The following FTO variants were observed in gnomAD, a reference collection of about 807,000 sequenced individuals.
The protein encoded by FTO is alpha-ketoglutarate-dependent dioxygenase FTO.
FTO carries 47 observed loss-of-function variants against 63.9 expected under a neutral mutation model. That is an observed-to-expected ratio of 0.74 (90% CI 0.58 to 0.94). FTO has a LOEUF of 0.94. Ranked by LOEUF, FTO falls within the 40% of genes least tolerant of loss-of-function variation. FTO has a pLI of 0.00. For missense variants in FTO, 562 were observed against 618.1 expected (o/e 0.91, Z 0.96); for synonymous variants, 207 against 224.4 (o/e 0.92, Z 0.69).
intron 1 of FTO, among the ~76,000 whole-genome samples, chr16:53,735,536 G>C (rs2076373394): frequency 6.6e-6 from 1 of 152,174 alleles, no homozygotes; most frequent in Non-Finnish European, 1.5e-5. Context: ...AAAATGATGA[G>C]TTGATCACCC....
intron 1 of FTO, among the ~76,000 whole-genome samples, chr16:53,775,700 A>G (rs1163081719): frequency 6.6e-6 from 1 of 152,116 alleles, no homozygotes; most frequent in Non-Finnish European, 1.5e-5. Flanking sequence ...AATTTTAGCC[A>G]AAAGGTCTAA....
At chr16:53,834,358 G>C (rs752312856) in intron 3 of FTO, among the ~76,000 whole-genome samples, 1 of 152,114 alleles carries the variant, frequency 6.6e-6, no homozygotes, top group Non-Finnish European at 1.5e-5. Flanking sequence ...TGATGAGCAC[G>C]GGATCAGAGA....
intron 8 of FTO, among the ~76,000 whole-genome samples, chr16:53,941,483 C>G (rs2082527553): frequency 6.6e-6 from 1 of 152,178 alleles, no homozygotes; most frequent in Non-Finnish European, 1.5e-5. Context: ...TCTGTGTTTA[C>G]ATTTTTATCT....
chr16:54,060,219 G>A (rs887150516), intron 8 of FTO, among the ~76,000 whole-genome samples: 5 of 152,138 alleles, frequency 3.3e-5, no homozygotes, highest in Admixed American at 2.0e-4. Context: ...CTGCCCAATC[G>A]GTGGACTACA....
At chr16:53,840,804 GTC>G (rs1481013050) in intron 3 of FTO, among the ~76,000 whole-genome samples, 1 of 152,112 alleles carries the variant, frequency 6.6e-6, no homozygotes, top group Non-Finnish European at 1.5e-5. Flanking sequence ...TCACGTCCTT[GTC>G]TAAAATGGGC....
chr16:53,936,553 T>C (rs2082395003), intron 8 of FTO, among the ~76,000 whole-genome samples: 1 of 152,210 alleles, frequency 6.6e-6, no homozygotes, highest in African/African-American at 2.4e-5. Flanking sequence ...GTGAAAGTTA[T>C]AAAACATCCA....
Position 53,828,320 on chromosome 16 carries a change from C to T in FTO, c.751+1829C>T, listed in dbSNP as rs193248868. Among the ~76,000 whole-genome samples, 33 of 152,202 alleles carry T rather than the reference C, an allele frequency of 2.2e-4. No homozygotes were observed. In the East Asian group the frequency reaches 4.6e-3, roughly 21 times the overall value. ...CTGCAAGCTCCGCCTCCCAGGTTCA[C>T]GCCATTCTTCTGCCTCAGCCTCCCA... On this transcript the variant is annotated intron_variant, in intron 3 of 8. Transcript: ENST00000471389.
Position 54,113,712 on chromosome 16 carries a change from TATG to T in FTO, c.*1801_*1803del, listed in dbSNP as rs1195188682. ...CCAGCCCAGTGTTTTCTTTAGCCCC[TATG>T]ATGTTCATTTTTTGTTATATCCCAT... On this transcript the variant is annotated 3_prime_UTR_variant, in exon 9 of 9. Coordinates refer to ENST00000471389, the MANE Select transcript of FTO (RefSeq NM_001080432.3). 1.3e-5 allele frequency: 2 copies of T among 152,228 alleles called. No individual in the cohort carries two copies. The highest frequency in any genetic ancestry group is 3.8e-4 in the East Asian group (2 of 5,196). The allele number at this position is 152,228 out of a possible 1,614,324, so 9.4% of individuals were successfully genotyped here.
chr16:53,746,624 T>C (rs537088919), intron 1 of FTO, among the ~76,000 whole-genome samples: 1 of 152,290 alleles, frequency 6.6e-6, no homozygotes, highest in South Asian at 2.1e-4. Context: ...CAAAGTGATG[T>C]TATAATTTAT....
intron 7 of FTO, among the ~76,000 whole-genome samples, chr16:53,889,931 C>T (rs755612805): frequency 9.9e-5 from 15 of 151,990 alleles, no homozygotes; most frequent in Non-Finnish European, 7.4e-5. Context: ...TTATGACAAC[C>T]CACAACATAG....
intron 6 of FTO, chr16:53,887,746 A>G (rs2081037687): frequency 6.6e-6 from 1 of 152,212 alleles, no homozygotes; most frequent in Non-Finnish European, 1.5e-5. Flanking sequence ...ATTTCAGATA[A>G]GAGATATTCA....
chr16:53,919,853 G>A (rs1156862865), intron 7 of FTO, among the ~76,000 whole-genome samples: 1 of 152,096 alleles, frequency 6.6e-6, no homozygotes. Flanking sequence ...GGAAGGAGGT[G>A]AGGGATAAAA....
At chr16:53,869,378 T>C (rs994215168) in intron 4 of FTO, among the ~76,000 whole-genome samples, 1 of 152,114 alleles carries the variant, frequency 6.6e-6, no homozygotes, top group Non-Finnish European at 1.5e-5. Flanking sequence ...GTGTAGGTTT[T>C]TTTCCTGAGC....
At chr16:53,795,597 C>T (rs747454811) in intron 1 of FTO, among the ~76,000 whole-genome samples, 1 of 152,132 alleles carries the variant, frequency 6.6e-6, no homozygotes, top group Non-Finnish European at 1.5e-5. Context: ...GCATGAGCCT[C>T]TATACCTGGC....
chr16:53,979,502 A>G (rs187149125), intron 8 of FTO: 55 of 394,534 alleles, frequency 1.4e-4, no homozygotes, highest in African/African-American at 1.0e-3. Context: ...TTTCTTTATC[A>G]CTACTGTGAT....
At chr16:54,109,598 C>G (rs1304038890) in intron 8 of FTO, among the ~76,000 whole-genome samples, 3 of 152,160 alleles carry the variant, frequency 2.0e-5, no homozygotes, top group Non-Finnish European at 4.4e-5. Flanking sequence ...TACCAGGGTG[C>G]AAGGGATTAC....
intron 1 of FTO, among the ~76,000 whole-genome samples, chr16:53,714,532 T>G (rs2151473266): frequency 6.6e-6 from 1 of 152,302 alleles, no homozygotes. Context: ...AACAGCATTT[T>G]TTGGGCTTAA....
intron 8 of FTO, among the ~76,000 whole-genome samples, chr16:54,014,082 A>G (rs2084383884): frequency 6.6e-6 from 1 of 152,188 alleles, no homozygotes; most frequent in Non-Finnish European, 1.5e-5. Flanking sequence ...TTTACAGGAA[A>G]TGCGTTTTCC....
chr16:53,731,181 A>T (rs1009968091), intron 1 of FTO, among the ~76,000 whole-genome samples: 4 of 152,182 alleles, frequency 2.6e-5, no homozygotes, highest in Non-Finnish European at 5.9e-5. Context: ...GACATTGGAG[A>T]GTTCAGTAAT....
Sources: allele counts gnomAD v4.1 joint callset (sites outside exome capture counted in the v4.1 genomes callset), GRCh38; gene constraint gnomAD v4.1.1; transcripts MANE v1.5; gene names NCBI Gene and HGNC (gene_info 2026-07-23, HGNC 2026-07-21).